The following NUDT5 variants were observed in gnomAD, a reference collection of about 807,000 sequenced individuals.
NUDT5 encodes ADP-sugar pyrophosphatase.
NUDT5 carries 21 observed loss-of-function variants against 34.1 expected under a neutral mutation model. The observed-to-expected ratio is 0.62, with a 90% confidence interval of 0.44 to 0.89. The LOEUF (loss-of-function observed/expected upper bound fraction) is 0.89, where lower values mean the gene tolerates loss of function less well. Ranked by LOEUF, NUDT5 falls within the 40% of genes least tolerant of loss-of-function variation. The pLI is 0.00. For synonymous variants in NUDT5, 85 were observed against 97.6 expected (o/e 0.87, Z 0.76); for missense variants, 249 against 274.8 (o/e 0.91, Z 0.66).
rs1835067069 is a variant in NUDT5, at chr10:12,182,862, G to C, written c.131+2027C>G. Among the ~76,000 whole-genome samples the C allele has an allele frequency of 6.6e-6, 1 of 152,154 alleles. No homozygotes were observed. Among genetic ancestry groups the C allele is most frequent in the South Asian group, 2.1e-4 (1 of 4,836 alleles). On this transcript the variant is annotated intron_variant, in intron 3 of 9. Coordinates refer to ENST00000491614, the MANE Select transcript of NUDT5 (RefSeq NM_014142.4). The surrounding 1 kb of genome is among the most constrained non-coding windows in gnomAD (Gnocchi z 4.3). ...AGCAATTCTCCTGTCTCAGCCTCCG[G>C]GGTAGCTGGGATTACAGGCGCATGC...
chr10:12,170,224 G>A lies in NUDT5; in HGVS notation c.550+493C>T. On this transcript the variant is annotated intron_variant, in intron 9 of 9. Coordinates refer to ENST00000491614, the MANE Select transcript of NUDT5 (RefSeq NM_014142.4). The surrounding 1 kb of genome is among the most constrained non-coding windows in gnomAD (Gnocchi z 4.9). ...ACCAGTGATTTCTAAGGGCCACACA[G>A]CTGGTTTGGTTTATTATGTGAAAAG... The A allele has an allele frequency of 6.2e-7, 1 of 1,606,916 alleles. No individual in the cohort carries two copies. Among genetic ancestry groups the A allele is most frequent in the Admixed American group, 1.7e-5 (1 of 59,976 alleles).
intron 1 of NUDT5, among the ~76,000 whole-genome samples, chr10:12,193,103 G>A (rs1835264002): frequency 6.6e-6 from 1 of 152,162 alleles, no homozygotes; most frequent in African/African-American, 2.4e-5. Context: ...TGACTGTAAT[G>A]ACCCTTGGGA....
At chr10:12,190,678 G>A (rs1835208760) in intron 1 of NUDT5, among the ~76,000 whole-genome samples, 3 of 145,206 alleles carry the variant, frequency 2.1e-5, no homozygotes, top group South Asian at 2.2e-4. Context: ...GCATGATCTC[G>A]GCTCACTGCA....
intron 3 of NUDT5, among the ~76,000 whole-genome samples, chr10:12,183,090 C>T (rs1330885748): frequency 6.6e-6 from 1 of 152,204 alleles, no homozygotes; most frequent in Admixed American, 6.5e-5. Context: ...GTGTTATAAA[C>T]TTAATTTGAC....
At position 12,169,574 on chromosome 10, in the gene NUDT5, G is replaced by GT. The variant is rs1229203315; in HGVS notation, c.550+1142dup. On this transcript the variant is annotated intron_variant, in intron 9 of 9. Transcript: ENST00000491614. This position sits in a 1 kb window ranked among gnomAD's most constrained non-coding sequence, Gnocchi z 4.8. Reference sequence around the variant, plus strand: ...CCAAATACGCACCAGATAAACTATTGTATCTATTCAGTATGATTGTTCTAA... The same window carrying GT: ...CCAAATACGCACCAGATAAACTATTGTTATCTATTCAGTATGATTGTTCTAA... The GT allele has an allele frequency of 1.7e-5, 7 of 411,512 alleles. No individual in the cohort carries two copies. Among genetic ancestry groups the GT allele is most frequent in the Non-Finnish European group, 2.2e-5 (5 of 230,868 alleles). 25.5% of individuals were successfully genotyped at this position (411,512 alleles called of 1,614,324 possible).
chr10:12,167,786 T>A lies in NUDT5; in HGVS notation c.576A>T (p.Thr192=), dbSNP rs183326588. ...CGTAGGAATAGACCCTGGCGTCCAC[T>A]GTGAGATGTTCTTCAGCTACCAGAG... ...LDALVAEEHL[T]VDARVYSYAL... The change falls in exon 10 of 10, where the codon ACA becomes ACT. Residue 192 remains threonine (T), a synonymous_variant. Coordinates refer to ENST00000491614, the MANE Select transcript of NUDT5 (RefSeq NM_014142.4). 6 of 1,614,178 alleles carry A rather than the reference T, an allele frequency of 3.7e-6. No individual in the cohort carries two copies. Among genetic ancestry groups the A allele is most frequent in the Middle Eastern group, 3.3e-4 (2 of 6,062 alleles).
chr10:12,184,431 T>C, intron 3 of NUDT5: 1 of 1,454,588 alleles, frequency 6.9e-7, no homozygotes, highest in Non-Finnish European at 9.4e-7. Context: ...TGACACATAT[T>C]ATGAAATAGG....
intron 4 of NUDT5, among the ~76,000 whole-genome samples, chr10:12,178,133 A>C (rs1189230621): frequency 2.4e-5 from 1 of 42,062 alleles, no homozygotes; most frequent in Non-Finnish European, 4.7e-5. Flanking sequence ...ACAGTTTCTT[A>C]AACTAAAATC....
chr10:12,177,525 CA>C (rs1476220199), intron 5 of NUDT5, among the ~76,000 whole-genome samples: 1 of 152,050 alleles, frequency 6.6e-6, no homozygotes, highest in Non-Finnish European at 1.5e-5. Context: ...TCTCACAAAA[CA>C]AAACAAAAAC....
intron 5 of NUDT5, among the ~76,000 whole-genome samples, chr10:12,176,320 T>G (rs1392556486): frequency 1.3e-5 from 2 of 151,812 alleles, no homozygotes; most frequent in Non-Finnish European, 2.9e-5. Context: ...ATATAAAACT[T>G]TGGCTGGGTG....
At position 12,165,633 on chromosome 10, in the gene NUDT5, G is replaced by A. The variant is rs1163387007; in HGVS notation, c.*2069C>T. 1 of 152,376 alleles carries A rather than the reference G, an allele frequency of 6.6e-6. No individual in the cohort carries two copies. Among genetic ancestry groups the A allele is most frequent in the African/African-American group, 2.4e-5 (1 of 41,462 alleles). The allele number at this position is 152,376 out of a possible 1,614,324, so 9.4% of individuals were successfully genotyped here. A position where few individuals can be genotyped will look rare whatever the true frequency, so the allele number is the denominator to read the frequency against. On this transcript the variant is annotated 3_prime_UTR_variant, in exon 10 of 10. Coordinates refer to ENST00000491614, the MANE Select transcript of NUDT5 (RefSeq NM_014142.4). ...AATATCCCAGTCTCCATTTGAAAGA[G>A]CATAGATCTTGGTAAATCATTTTGA... is the stretch of plus-strand genomic sequence containing the variant.
rs1290925525 is a variant in NUDT5, at chr10:12,182,344, G to C, written c.131+2545C>G. Among the ~76,000 whole-genome samples, 2 of 152,120 alleles carry C rather than the reference G, an allele frequency of 1.3e-5. No individual in the cohort carries two copies. Among genetic ancestry groups the C allele is most frequent in the Non-Finnish European group, 2.9e-5 (2 of 68,038 alleles). On this transcript the variant is annotated intron_variant, in intron 3 of 9. Transcript: ENST00000491614. The surrounding 1 kb of genome is among the most constrained non-coding windows in gnomAD (Gnocchi z 4.3). Reference sequence around the variant, plus strand: ...TTGAATTTCAGATTTTCAGATTAGGGCTGCTCAACCTGTACACGCAGGCTT... The same window carrying C: ...TTGAATTTCAGATTTTCAGATTAGGCCTGCTCAACCTGTACACGCAGGCTT...
At chr10:12,179,806 G>A (rs569737645) in intron 3 of NUDT5, among the ~76,000 whole-genome samples, 2 of 152,302 alleles carry the variant, frequency 1.3e-5, no homozygotes, top group East Asian at 3.9e-4. Context: ...TAACATCTGT[G>A]CTATTCTACT....
At chr10:12,194,301 C>T (rs1344743737) in intron 1 of NUDT5, among the ~76,000 whole-genome samples, 3 of 152,350 alleles carry the variant, frequency 2.0e-5, no homozygotes, top group South Asian at 4.1e-4. Context: ...AAATAAATCC[C>T]CCATCGATGC....
chr10:12,176,587 G>C (rs1276424214), intron 5 of NUDT5, among the ~76,000 whole-genome samples: 3 of 152,084 alleles, frequency 2.0e-5, no homozygotes, highest in Non-Finnish European at 4.4e-5. Flanking sequence ...CTGGGCAACA[G>C]AGCAGGACTC....
rs1016707458 is a variant in NUDT5, at chr10:12,175,953, G to A, written c.289+1840C>T. Among the ~76,000 whole-genome samples the A allele has an allele frequency of 8.5e-5, 13 of 152,184 alleles. No individual in the cohort carries two copies. Among genetic ancestry groups the A allele is most frequent in the African/African-American group, 2.4e-4 (10 of 41,440 alleles). ...TAAAAGTAATTAAATAGCCTGGCCA[G>A]GCGTGGTGGCTCACGCCTGTAATCC... On this transcript the variant is annotated intron_variant, in intron 5 of 9. Transcript: ENST00000491614. The surrounding 1 kb of genome is among the most constrained non-coding windows in gnomAD (Gnocchi z 4.8).
In NUDT5 at chr10:12,189,733, C is replaced by A. The variant is rs115096893; in HGVS notation, c.-41-3401G>T. On this transcript the variant is annotated intron_variant, in intron 1 of 9. Transcript: ENST00000491614. ...TAAGCCAGCGTCTCCGCCACTGCAA[C>A]GGAGTTTGCCTTCACTGACTCAACG... Among the ~76,000 whole-genome samples the A allele has an allele frequency of 3.8e-3, 585 of 152,248 alleles. 5 individuals are homozygous for A. Among genetic ancestry groups the A allele is most frequent in the African/African-American group, 0.013 (542 of 41,544 alleles).
rs888889412 is a variant in NUDT5, at chr10:12,170,306, A to T, written c.550+411T>A. ...AAGTATTTGTTGAAGGAGCATCATC[A>T]ATTTCTCCTTGAACATACAGCCTCC... On this transcript the variant is annotated intron_variant, in intron 9 of 9. Transcript: ENST00000491614. The surrounding 1 kb of genome is among the most constrained non-coding windows in gnomAD (Gnocchi z 4.9). 9.5e-7 allele frequency: 1 copy of T among 1,049,686 alleles called. No individual in the cohort carries two copies. Among genetic ancestry groups the T allele is most frequent in the East Asian group, 2.4e-5 (1 of 42,350 alleles). 65.0% of individuals were successfully genotyped at this position (1,049,686 alleles called of 1,614,324 possible).
At position 12,170,899 on chromosome 10, in the gene NUDT5, C is replaced by T. The variant is rs1327434017; in HGVS notation, c.496+1G>A. On this transcript the variant is annotated splice_donor_variant, in intron 8 of 9. Coordinates refer to ENST00000491614, the MANE Select transcript of NUDT5 (RefSeq NM_014142.4). LOFTEE classifies it high-confidence loss of function. This position sits in a 1 kb window ranked among gnomAD's most constrained non-coding sequence, Gnocchi z 4.9. ...CGGCCACCAGGAGTTGCAGAACATACCTCCATCCCCTGGAAATAAACAGAA... is the reference window on the plus strand; with the variant it reads ...CGGCCACCAGGAGTTGCAGAACATATCTCCATCCCCTGGAAATAAACAGAA... The T allele has an allele frequency of 1.2e-6, 2 of 1,613,734 alleles. No homozygotes were observed. Among genetic ancestry groups the T allele is most frequent in the East Asian group, 4.5e-5 (2 of 44,872 alleles).
Sources: gnomAD v4.1 joint callset for allele counts (sites outside exome capture counted in the v4.1 genomes callset) on GRCh38, gnomAD v4.1.1 for gene constraint, Gnocchi (gnomAD v3.1) non-coding constraint, MANE v1.5 for transcripts, NCBI Gene and HGNC (gene_info 2026-07-23, HGNC 2026-07-21) for gene names.